Variants in CMIP observed in about 807,000 individuals in gnomAD.
CMIP encodes c-Maf inducing protein, also known as C-Maf-inducing protein.
CMIP carries 13 observed loss-of-function variants against 97.3 expected under a neutral mutation model. The observed-to-expected ratio is 0.13, with a 90% confidence interval of 0.09 to 0.21. The LOEUF (loss-of-function observed/expected upper bound fraction) is 0.21, where lower values mean the gene tolerates loss of function less well. CMIP is among the 10% of genes least tolerant of loss of function. The probability of loss-of-function intolerance (pLI) is 1.00; values close to 1 mark genes in which losing one functional copy is unlikely to be tolerated. For missense variants in CMIP, 847 were observed against 1,024.9 expected, an observed-to-expected ratio of 0.83 and a Z score of 2.37; for synonymous variants, 538 against 436.3, an observed-to-expected ratio of 1.23 and a Z score of -2.91.
chr16:81,526,016 G>A (rs1260032654), intron 1 of CMIP, among the ~76,000 whole-genome samples: 1 of 151,096 alleles, frequency 6.6e-6, no homozygotes, highest in African/African-American at 2.4e-5. Flanking sequence ...GTCTGTGTGT[G>A]TGTGTGTGTT....
intron 14 of CMIP, among the ~76,000 whole-genome samples, chr16:81,698,486 C>G (rs977486011): frequency 6.6e-6 from 1 of 152,238 alleles, no homozygotes; most frequent in African/African-American, 2.4e-5. Context: ...GTCCCCTACC[C>G]CATACATGTG....
chr16:81,696,484 C>G, intron 13 of CMIP, 76 bp from the exon 14 acceptor site: 1 of 1,406,620 alleles, frequency 7.1e-7, no homozygotes. Context: ...CTTTCCCATT[C>G]ATGTGTGCAG....
chr16:81,592,969 C>T (rs1487447855), intron 1 of CMIP, among the ~76,000 whole-genome samples: 1 of 152,256 alleles, frequency 6.6e-6, no homozygotes, highest in Non-Finnish European at 1.5e-5. Flanking sequence ...CCCAGTGGCA[C>T]AGATGCCAAG....
intron 3 of CMIP, among the ~76,000 whole-genome samples, chr16:81,626,218 C>CCTGAGAATGTGTGT (rs1555539819): frequency 6.6e-6 from 1 of 151,224 alleles, no homozygotes; most frequent in Non-Finnish European, 1.5e-5. Flanking sequence ...TGTGTGTGCG[C>CCTGAGAATGTGTGT]GTGAGAATGT....
At chr16:81,476,279 C>G in intron 1 of CMIP, 1 of 1,554,144 alleles carries the variant, frequency 6.4e-7, no homozygotes, top group Non-Finnish European at 8.9e-7. Flanking sequence ...TCAAATTTCT[C>G]CCCATAGATG....
At chr16:81,511,795 C>T (rs1435535075) in intron 1 of CMIP, among the ~76,000 whole-genome samples, 4 of 152,158 alleles carry the variant, frequency 2.6e-5, no homozygotes, top group South Asian at 2.1e-4. Flanking sequence ...CTCCTGGGCT[C>T]AAGTGATCTG....
intron 1 of CMIP, chr16:81,476,283 A>T: frequency 6.4e-7 from 1 of 1,554,440 alleles, no homozygotes; most frequent in East Asian, 2.2e-5. Context: ...ATTTCTCCCC[A>T]TAGATGGACT....
chr16:81,620,787 G>A (rs74031224), intron 2 of CMIP, 89 bp from the exon 3 acceptor site: 36,077 of 1,491,238 alleles, frequency 0.024, 1,785 homozygotes, highest in East Asian at 0.19. Context: ...CTACAGAGCA[G>A]GCTTGGGGGC....
At position 81,596,863 on chromosome 16, in the gene CMIP, C is replaced by T. The variant is rs536595730; in HGVS notation, c.301-10704C>T. 2.6e-4 allele frequency among the ~76,000 whole-genome samples: 40 copies of T among 152,324 alleles called. No individual in the cohort carries two copies. In the South Asian group the frequency reaches 7.7e-3, roughly 29 times the overall value. Reference sequence around the variant, plus strand: ...TTCCCACAGCACAGACTCAGGTGCACCTCTTTCTGAAGTTTGTATGGGTGG... The same window carrying T: ...TTCCCACAGCACAGACTCAGGTGCATCTCTTTCTGAAGTTTGTATGGGTGG... On this transcript the variant is annotated intron_variant, in intron 1 of 20. Coordinates refer to ENST00000537098, the MANE Select transcript of CMIP (RefSeq NM_198390.3).
chr16:81,667,727 C>T (rs116074333), intron 7 of CMIP, among the ~76,000 whole-genome samples: 42 of 137,488 alleles, frequency 3.1e-4, no homozygotes, highest in Non-Finnish European at 4.8e-4. Flanking sequence ...AGGCAGAGGC[C>T]TCATTTTCTA....
At position 81,670,256 on chromosome 16, in the gene CMIP, G is replaced by A. The variant is rs11150398; in HGVS notation, c.929+11G>A. 558,789 of 1,599,904 alleles carry A rather than the reference G, an allele frequency of 0.35. 102,804 individuals carry two copies. Among genetic ancestry groups the A allele is most frequent in the South Asian group, 0.6 (53,426 of 88,650 alleles). On this transcript the variant is annotated intron_variant, in intron 8 of 20. Transcript: ENST00000537098. ...GAAGTTCATTCAGAGGTGGGTCTCC[G>A]GCGCGACGTCCCTCTGTGGCCTAGG...
chr16:81,558,160 A>T (rs1002265419), intron 1 of CMIP, among the ~76,000 whole-genome samples: 7 of 152,288 alleles, frequency 4.6e-5, no homozygotes, highest in Admixed American at 1.3e-4. Context: ...TTGTCTGTGT[A>T]TGCTGCACCA....
chr16:81,603,710 G>C (rs140911934), intron 1 of CMIP, among the ~76,000 whole-genome samples: 83 of 152,298 alleles, frequency 5.4e-4, no homozygotes, highest in African/African-American at 1.8e-3. Flanking sequence ...TGTTTAATGA[G>C]CACTGGTCAG....
intron 3 of CMIP, among the ~76,000 whole-genome samples, chr16:81,628,256 A>C (rs2092102147): frequency 6.6e-6 from 1 of 151,972 alleles, no homozygotes; most frequent in African/African-American, 2.4e-5. Context: ...AGCCACTCCT[A>C]GTGTCCTAGA....
At chr16:81,591,123 G>C (rs369164192) in intron 1 of CMIP, among the ~76,000 whole-genome samples, 3 of 152,172 alleles carry the variant, frequency 2.0e-5, no homozygotes, top group Admixed American at 6.5e-5. Context: ...TCAAATCCTG[G>C]CTTCATTAAT....
intron 10 of CMIP, among the ~76,000 whole-genome samples, chr16:81,679,985 A>C (rs1381465751): frequency 1.3e-5 from 2 of 152,184 alleles, no homozygotes; most frequent in African/African-American, 4.8e-5. Flanking sequence ...CTTCGGAACA[A>C]GCTCTGCCCC....
At chr16:81,639,998 A>T (rs2092284391) in intron 3 of CMIP, among the ~76,000 whole-genome samples, 2 of 152,028 alleles carry the variant, frequency 1.3e-5, no homozygotes, top group African/African-American at 2.4e-5. Flanking sequence ...GTGTGAGAGG[A>T]CAGCTTGGGG....
intron 4 of CMIP, among the ~76,000 whole-genome samples, chr16:81,657,313 C>T (rs1477435100): frequency 3.9e-5 from 6 of 152,204 alleles, no homozygotes; most frequent in Admixed American, 3.9e-4. Context: ...GCACTGAAAT[C>T]ATATACGTGT....
At chr16:81,572,273 C>G (rs898680523) in intron 1 of CMIP, among the ~76,000 whole-genome samples, 1 of 152,236 alleles carries the variant, frequency 6.6e-6, no homozygotes, top group Non-Finnish European at 1.5e-5. Flanking sequence ...TGGAGTTGGG[C>G]TGTCGGGTTG....
Sources: allele counts gnomAD v4.1 joint callset (sites outside exome capture counted in the v4.1 genomes callset), GRCh38; gene constraint gnomAD v4.1.1; transcripts MANE v1.5; gene names NCBI Gene and HGNC (gene_info 2026-07-23, HGNC 2026-07-21).